Variants in MED6 observed in about 807,000 individuals in gnomAD.
The protein encoded by MED6 is mediator of RNA polymerase II transcription subunit 6.
A neutral mutation model predicts 37.5 loss-of-function variants in MED6; 33 were observed. That is an observed-to-expected ratio of 0.88 (90% confidence interval 0.67 to 1.18). The LOEUF (loss-of-function observed/expected upper bound fraction) is 1.18. Among genes scored for constraint, MED6 ranks in the 50% most tolerant of loss-of-function variants. MED6 has a pLI of 0.00. For synonymous variants in MED6, 94 were observed against 93.6 expected, an observed-to-expected ratio of 1.00 and a Z score of -0.02; for missense variants, 235 against 290.6, an observed-to-expected ratio of 0.81 and a Z score of 1.39.
chr14:70,592,978 A>G lies in MED6; in HGVS notation c.368T>C (p.Val123Ala), dbSNP rs547258047. Reference protein sequence around the residue: ...SVINSRVLTAVHGIQSAFDEA... With the variant: ...SVINSRVLTAAHGIQSAFDEA... ...ATCAAAAGCTGACTGAATACCATGC[A>G]CTGCAGTAAGCTTGTAAAAGGAAAA... Residue 123 changes from valine (V) to alanine (A), a missense_variant, in exon 5 of 8, where the codon GTG (valine) becomes GCG (alanine). Physicochemically the swap from Val to Ala is moderately conservative, Grantham distance 64. Coordinates refer to ENST00000256379, the MANE Select transcript of MED6 (RefSeq NM_005466.4). The G allele has an allele frequency of 1.9e-6, 3 of 1,613,170 alleles. No homozygotes were observed. Among genetic ancestry groups the G allele is most frequent in the South Asian group, 2.2e-5 (2 of 91,068 alleles).
At chr14:70,594,669 G>A (rs1303943170) in intron 3 of MED6, 2 of 452,884 alleles carry the variant, frequency 4.4e-6, no homozygotes, top group African/African-American at 2.0e-5. Flanking sequence ...AGGCACCGGA[G>A]GCTCTGGTTC....
intron 3 of MED6, among the ~76,000 whole-genome samples, chr14:70,594,163 T>C (rs1328330531): frequency 2.0e-5 from 3 of 152,250 alleles, no homozygotes; most frequent in Non-Finnish European, 4.4e-5. Flanking sequence ...TTGAGAGATG[T>C]AGCTAGAATA....
chr14:70,598,965 T>A, intron 1 of MED6, among the ~76,000 whole-genome samples: 1 of 152,218 alleles, frequency 6.6e-6, no homozygotes, highest in East Asian at 1.9e-4. Flanking sequence ...TAGCGTAGAA[T>A]TAAATCATAG....
intron 6 of MED6, among the ~76,000 whole-genome samples, chr14:70,586,266 G>A (rs1405873831): frequency 6.6e-6 from 1 of 152,156 alleles, no homozygotes; most frequent in Non-Finnish European, 1.5e-5. Flanking sequence ...GATTTCTGAT[G>A]AGTCTATTAT....
intron 1 of MED6, among the ~76,000 whole-genome samples, chr14:70,599,504 C>T (rs1167667301): frequency 6.6e-6 from 1 of 152,190 alleles, no homozygotes; most frequent in Admixed American, 6.5e-5. Context: ...CTGATGGAAA[C>T]CCCTCCAATG....
At chr14:70,598,406 C>T (rs1483406366) in intron 1 of MED6, among the ~76,000 whole-genome samples, 2 of 151,990 alleles carry the variant, frequency 1.3e-5, no homozygotes, top group East Asian at 1.9e-4. Flanking sequence ...ACCCAAGAGG[C>T]GGAGGTTGCA....
intron 3 of MED6, 126 bp from the exon 4 acceptor site, chr14:70,593,504 T>A (rs1595051453): frequency 1.4e-6 from 1 of 689,986 alleles, no homozygotes; most frequent in Non-Finnish European, 2.4e-6. Flanking sequence ...ACTGTTTTGG[T>A]AAAGCTGTAC....
intron 6 of MED6, 118 bp from the exon 7 acceptor site, chr14:70,585,901 T>G (rs375534901): frequency 1.4e-4 from 102 of 712,742 alleles, no homozygotes; most frequent in Middle Eastern, 1.2e-3. Flanking sequence ...TCATCCAAAT[T>G]ACATTTCAAA....
At chr14:70,593,452 A>ATTCCC (rs1345679180) in intron 3 of MED6, 74 bp from the exon 4 acceptor site, 1 of 1,190,936 alleles carries the variant, frequency 8.4e-7, no homozygotes, top group East Asian at 2.4e-5. Flanking sequence ...CATAAAAAGA[A>ATTCCC]ATAAAATCTG....
chr14:70,600,439 GAA>G (rs5809489), intron 1 of MED6, among the ~76,000 whole-genome samples, 175 bp downstream of exon 1: 4 of 127,930 alleles, frequency 3.1e-5, no homozygotes, highest in East Asian at 2.2e-4. Flanking sequence ...CAAGAACTCA[GAA>G]AAAAAAAAAA....
rs945238891 is a variant in MED6, at chr14:70,594,878, G to C, written c.275-1500C>G. The stretch of plus-strand genomic sequence containing the variant: ...AGGAGCCTGGAGACCGAGAACCAGA[G>C]GCTAGAGAGCAAAATCCAGGAGCAC... On this transcript the variant is annotated intron_variant, in intron 3 of 7. Coordinates refer to ENST00000256379, the MANE Select transcript of MED6 (RefSeq NM_005466.4). 6 of 657,180 alleles carry C rather than the reference G, an allele frequency of 9.1e-6. No individual in the cohort carries two copies. In the African/African-American group the frequency reaches 1.1e-4, roughly 12 times the overall value. 40.7% of individuals were successfully genotyped at this position (657,180 alleles called of 1,614,324 possible).
intron 3 of MED6, chr14:70,596,097 T>C (rs1566677816): frequency 4.8e-6 from 1 of 209,362 alleles, no homozygotes; most frequent in Non-Finnish European, 9.7e-6. Flanking sequence ...GTTAGGCTGG[T>C]TGTACCAGCC....
Position 70,591,394 on chromosome 14 carries a change from G to A in MED6, c.467-13C>T, listed in dbSNP as rs1445032203. The A allele has an allele frequency of 1.3e-6, 2 of 1,583,626 alleles. No individual in the cohort carries two copies. The highest frequency in any genetic ancestry group is 2.3e-5 in the East Asian group (1 of 44,382). Reference sequence around the variant, plus strand: ...GGTCTGACTTTATCTATTAAAATACGAAGTCCAAATCAAAACATTGCCTAC... The same window carrying A: ...GGTCTGACTTTATCTATTAAAATACAAAGTCCAAATCAAAACATTGCCTAC... On this transcript the variant is annotated splice_polypyrimidine_tract_variant and intron_variant, in intron 5 of 7. Coordinates refer to ENST00000256379, the MANE Select transcript of MED6 (RefSeq NM_005466.4).
At chr14:70,590,486 A>G (rs564270342) in intron 6 of MED6, among the ~76,000 whole-genome samples, 4 of 152,326 alleles carry the variant, frequency 2.6e-5, no homozygotes, top group Admixed American at 2.6e-4. Context: ...GGGAAGAGAA[A>G]AGGGGAGGCT....
intron 3 of MED6, chr14:70,595,530 AC>A: frequency 1.4e-6 from 1 of 692,854 alleles, no homozygotes; most frequent in African/African-American, 1.7e-5. Context: ...GGCCTGCTAT[AC>A]CCTGCAGATG....
At chr14:70,592,740 A>G (rs563127275) in intron 5 of MED6, 140 bp downstream of exon 5, 2 of 837,066 alleles carry the variant, frequency 2.4e-6, no homozygotes, top group African/African-American at 3.4e-5. Context: ...AGTTACATGA[A>G]TCTCAGCTGC....
At position 70,593,571 on chromosome 14, in the gene MED6, T is replaced by C. The variant is rs112184207; in HGVS notation, c.275-193A>G. On this transcript the variant is annotated intron_variant, in intron 3 of 7. Transcript: ENST00000256379. ...TTATCTATGGCTGCTCTGGCAATAA[T>C]TGAGCATTGTCACAGAGACTACGAG... 2.6e-5 allele frequency among the ~76,000 whole-genome samples: 4 copies of C among 152,348 alleles called. 1 individual carries two copies. The highest frequency in any genetic ancestry group is 1.9e-4 in the East Asian group (1 of 5,194).
intron 1 of MED6, among the ~76,000 whole-genome samples, chr14:70,599,353 A>T (rs1885138102): frequency 6.6e-6 from 1 of 152,246 alleles, no homozygotes; most frequent in South Asian, 2.1e-4. Flanking sequence ...GGATCATGCA[A>T]TAACCAAATA....
intron 6 of MED6, among the ~76,000 whole-genome samples, chr14:70,586,290 ATAGGAAAAAAAGATAAGAGCAT>A (rs1351943316): frequency 6.6e-6 from 1 of 152,174 alleles, no homozygotes; most frequent in African/African-American, 2.4e-5. Flanking sequence ...AAACCAATCT[ATAGGAAAAAAAGATAAGAGCAT>A]TAGAGGTTAG....
Sources: gnomAD v4.1 joint callset for allele counts (sites outside exome capture counted in the v4.1 genomes callset) on GRCh38, gnomAD v4.1.1 for gene constraint, MANE v1.5 for transcripts, NCBI Gene and HGNC (gene_info 2026-07-23, HGNC 2026-07-21) for gene names.